Variants in RBFOX1 observed in about 807,000 individuals in gnomAD.
RBFOX1 encodes the protein RNA binding fox-1 homolog 1.
RBFOX1 carries 8 observed loss-of-function variants against 57.7 expected under a neutral mutation model. That is an observed-to-expected ratio of 0.14 (90% CI 0.08 to 0.25). The LOEUF (loss-of-function observed/expected upper bound fraction) is 0.25. Ranked by LOEUF, RBFOX1 falls within the 10% of genes least tolerant of loss-of-function variation. The probability of loss-of-function intolerance (pLI) is 1.00; values close to 1 mark genes in which losing one functional copy is unlikely to be tolerated. For synonymous variants in RBFOX1, 326 were observed against 222.4 expected, an observed-to-expected ratio of 1.47 and a Z score of -4.15; for missense variants, 611 against 548.5, an observed-to-expected ratio of 1.11 and a Z score of -1.14.
intron 3 of RBFOX1, among the ~76,000 whole-genome samples, chr16:6,689,997 G>A (rs920312116): frequency 6.6e-6 from 1 of 152,066 alleles, no homozygotes; most frequent in African/African-American, 2.4e-5. Context: ...ATCAGCTTTG[G>A]GTATTGATGA....
At chr16:7,434,145 G>A (rs943110234) in intron 4 of RBFOX1, among the ~76,000 whole-genome samples, 13 of 152,100 alleles carry the variant, frequency 8.5e-5, no homozygotes, top group Admixed American at 7.9e-4. Flanking sequence ...CCAGGTAAGA[G>A]CTTAGGAGAT....
intron 4 of RBFOX1, among the ~76,000 whole-genome samples, chr16:5,949,080 T>G (rs904653476): frequency 6.6e-6 from 1 of 152,176 alleles, no homozygotes; most frequent in Non-Finnish European, 1.5e-5. Context: ...GGAGCCATCA[T>G]GAATGACATG....
chr16:7,601,546 T>A (rs1304028437), intron 9 of RBFOX1, among the ~76,000 whole-genome samples: 1 of 152,202 alleles, frequency 6.6e-6, no homozygotes, highest in Non-Finnish European at 1.5e-5. Context: ...AGACAGTCTT[T>A]GAAAAACTCA....
At chr16:7,206,544 C>T (rs2090015853) in intron 4 of RBFOX1, among the ~76,000 whole-genome samples, 1 of 151,870 alleles carries the variant, frequency 6.6e-6, no homozygotes, top group South Asian at 2.1e-4. Flanking sequence ...AAATGAGTTG[C>T]TGCAATACCA....
intron 4 of RBFOX1, among the ~76,000 whole-genome samples, chr16:7,303,492 G>C (rs2096082940): frequency 6.6e-6 from 1 of 152,230 alleles, no homozygotes; most frequent in Non-Finnish European, 1.5e-5. Context: ...GGGCGCGCGG[G>C]GCGCTCGCTC....
intron 3 of RBFOX1, among the ~76,000 whole-genome samples, chr16:6,778,016 C>G (rs544405750): frequency 8.3e-4 from 127 of 152,182 alleles, no homozygotes; most frequent in Middle Eastern, 3.4e-3. Context: ...ATTTATGCTC[C>G]ATGTGTGAAC....
chr16:7,231,431 A>G lies in RBFOX1; in HGVS notation c.27+179333A>G, dbSNP rs570790575. 3.3e-5 allele frequency among the ~76,000 whole-genome samples: 5 copies of G among 152,308 alleles called. No homozygotes were observed. The East Asian group carries it at 9.7e-4, about 30-fold the overall frequency. ...ACTGCAACACAGCTCCTAAGAGCAA[A>G]CAGTTTAATCAGCTCATTTATCATC... is the stretch of plus-strand genomic sequence containing the variant. On this transcript the variant is annotated intron_variant, in intron 4 of 15. Transcript: ENST00000550418.
chr16:6,354,225 A>G (rs1447585744), intron 2 of RBFOX1, among the ~76,000 whole-genome samples: 1 of 152,050 alleles, frequency 6.6e-6, no homozygotes, highest in Non-Finnish European at 1.5e-5. Context: ...GGGTCAACAC[A>G]CAGACACACA....
chr16:5,324,723 A>C (rs2064514937), intron 1 of RBFOX1, among the ~76,000 whole-genome samples: 1 of 152,120 alleles, frequency 6.6e-6, no homozygotes, highest in East Asian at 1.9e-4. Context: ...ACCAAATACC[A>C]CTTGTTCTCA....
At chr16:6,330,225 C>T (rs1459494647) in intron 2 of RBFOX1, among the ~76,000 whole-genome samples, 1 of 152,070 alleles carries the variant, frequency 6.6e-6, no homozygotes, top group African/African-American at 2.4e-5. Context: ...TTCAAAAATA[C>T]CTTATTATTC....
At position 6,949,534 on chromosome 16, in the gene RBFOX1, C is replaced by A. The variant is rs534536767; in HGVS notation, c.-15-102523C>A. On this transcript the variant is annotated intron_variant, in intron 3 of 15. Transcript: ENST00000550418. Reference sequence around the variant, plus strand: ...GGTCTGTTTCTTCTTGGGCCTCTCTCCCTGGTTTACTGATGACGATCTTCG... The same window carrying A: ...GGTCTGTTTCTTCTTGGGCCTCTCTACCTGGTTTACTGATGACGATCTTCG... 7.2e-4 allele frequency among the ~76,000 whole-genome samples: 110 copies of A among 152,220 alleles called. No individual in the cohort carries two copies. The Middle Eastern group carries it at 0.024, about 33-fold the overall frequency.
chr16:5,378,770 C>G (rs2066055900), intron 1 of RBFOX1, among the ~76,000 whole-genome samples: 1 of 151,596 alleles, frequency 6.6e-6, no homozygotes, highest in Non-Finnish European at 1.5e-5. Flanking sequence ...GGAGATAATG[C>G]TAATGCCCAT....
intron 3 of RBFOX1, among the ~76,000 whole-genome samples, chr16:6,885,148 C>T (rs978720455): frequency 2.6e-5 from 4 of 152,102 alleles, no homozygotes; most frequent in Admixed American, 6.6e-5. Flanking sequence ...CTGACTGGAC[C>T]GCCTCCTCCT....
intron 3 of RBFOX1, among the ~76,000 whole-genome samples, chr16:6,823,702 G>GTTCA (rs1211989898): frequency 6.6e-6 from 1 of 151,722 alleles, no homozygotes; most frequent in Non-Finnish European, 1.5e-5. Flanking sequence ...TCATTCATTT[G>GTTCA]TTCATTCATT....
intron 4 of RBFOX1, among the ~76,000 whole-genome samples, chr16:7,504,730 TATATATATA>T (rs2072302264): frequency 2.4e-4 from 3 of 12,556 alleles, no homozygotes; most frequent in African/African-American, 6.8e-4. Context: ...TATATATATA[TATATATATA>T]TATATATATA....
At chr16:6,801,107 G>T (rs1293494764) in intron 3 of RBFOX1, among the ~76,000 whole-genome samples, 1 of 151,886 alleles carries the variant, frequency 6.6e-6, no homozygotes, top group Admixed American at 6.6e-5. Flanking sequence ...AGTAGATCTG[G>T]GGATTGACCT....
intron 3 of RBFOX1, among the ~76,000 whole-genome samples, chr16:6,966,050 A>G (rs1229156182): frequency 6.6e-6 from 1 of 152,172 alleles, no homozygotes; most frequent in African/African-American, 2.4e-5. Context: ...TCTTAGAAAT[A>G]AGAACCTGGA....
chr16:5,944,267 G>T (rs1172539457), intron 4 of RBFOX1, among the ~76,000 whole-genome samples: 2 of 152,192 alleles, frequency 1.3e-5, no homozygotes, highest in Admixed American at 6.5e-5. Flanking sequence ...GTTCAATCTT[G>T]GTTGCTTATC....
intron 3 of RBFOX1, among the ~76,000 whole-genome samples, chr16:6,981,977 T>G (rs1395856381): frequency 6.6e-6 from 1 of 152,228 alleles, no homozygotes. Context: ...AAAATACAAA[T>G]AAGCCTCCAA....
Sources: allele counts gnomAD v4.1 joint callset (sites outside exome capture counted in the v4.1 genomes callset), GRCh38; gene constraint gnomAD v4.1.1; transcripts MANE v1.5; gene names NCBI Gene and HGNC (gene_info 2026-07-23, HGNC 2026-07-21).